Variants in TTC29 observed in about 807,000 individuals in gnomAD.
The protein encoded by TTC29 is tetratricopeptide repeat domain 29.
TTC29 carries 49 observed loss-of-function variants against 58.1 expected under a neutral mutation model. The observed-to-expected ratio is 0.84, with a 90% CI of 0.67 to 1.07. The LOEUF is 1.07. Ranked by LOEUF, TTC29 falls within the 50% of genes least tolerant of loss-of-function variation. The probability of loss-of-function intolerance (pLI) is 0.00; values close to 1 mark genes in which losing one functional copy is unlikely to be tolerated. For missense variants in TTC29, 582 were observed against 555.6 expected (o/e 1.05, Z -0.48); for synonymous variants, 209 against 196.8 (o/e 1.06, Z -0.52).
chr4:146,912,945 G>A (rs907426222), intron 4 of TTC29, among the ~76,000 whole-genome samples: 1 of 152,152 alleles, frequency 6.6e-6, no homozygotes, highest in African/African-American at 2.4e-5. Flanking sequence ...TTTGGGATTG[G>A]GTAATGGGTA....
intron 8 of TTC29, among the ~76,000 whole-genome samples, chr4:146,852,610 GAAC>G (rs1729583508): frequency 6.6e-6 from 1 of 152,178 alleles, no homozygotes; most frequent in Admixed American, 6.5e-5. Context: ...TCCAATGAGG[GAAC>G]AACAGCTTCC....
chr4:146,925,257 T>C (rs1481965089), intron 4 of TTC29, among the ~76,000 whole-genome samples: 1 of 152,094 alleles, frequency 6.6e-6, no homozygotes, highest in Non-Finnish European at 1.5e-5. Context: ...TCTATATTCC[T>C]ACTGGTTTTT....
intron 11 of TTC29, among the ~76,000 whole-genome samples, chr4:146,723,739 G>C (rs901651619): frequency 6.6e-6 from 1 of 152,198 alleles, no homozygotes; most frequent in Non-Finnish European, 1.5e-5. Flanking sequence ...AGATGCTTGT[G>C]AGCCTGTGGA....
chr4:146,803,419 ATAT>A, intron 11 of TTC29, 35 bp downstream of exon 11: 3 of 1,329,858 alleles, frequency 2.3e-6, no homozygotes, highest in Non-Finnish European at 3.1e-6. Flanking sequence ...ATTGAGAATG[ATAT>A]GAAAACTAAA....
chr4:146,894,007 A>G (rs145176952), intron 6 of TTC29, among the ~76,000 whole-genome samples: 69,889 of 151,774 alleles, frequency 0.46, 16,707 homozygotes, highest in African/African-American at 0.57. Context: ...CTAGAATGGC[A>G]ATCATTAAAA....
chr4:146,810,959 G>A (rs1445817549), intron 10 of TTC29, among the ~76,000 whole-genome samples: 8 of 151,974 alleles, frequency 5.3e-5, no homozygotes, highest in African/African-American at 1.9e-4. Context: ...CCTCTAATTC[G>A]TTTACTGCTC....
chr4:146,740,437 T>TTTA, intron 11 of TTC29, among the ~76,000 whole-genome samples: 1 of 152,060 alleles, frequency 6.6e-6, no homozygotes, highest in Non-Finnish European at 1.5e-5. Context: ...TTAAAATTTA[T>TTTA]TTATTATTAT....
At chr4:146,787,709 A>C (rs1426128127) in intron 11 of TTC29, among the ~76,000 whole-genome samples, 1 of 152,202 alleles carries the variant, frequency 6.6e-6, no homozygotes, top group Non-Finnish European at 1.5e-5. Flanking sequence ...GCACTGAGGC[A>C]GCCAGTGGGA....
intron 11 of TTC29, among the ~76,000 whole-genome samples, chr4:146,751,546 C>G (rs749426333): frequency 6.6e-6 from 1 of 152,126 alleles, no homozygotes; most frequent in Admixed American, 6.5e-5. Context: ...CACAAGGTAT[C>G]TTGGAAAATT....
chr4:146,807,581 A>G (rs1211558262), intron 10 of TTC29, among the ~76,000 whole-genome samples: 1 of 152,214 alleles, frequency 6.6e-6, no homozygotes, highest in African/African-American at 2.4e-5. Flanking sequence ...TCACAGAAAT[A>G]CAAACTACCA....
chr4:146,745,922 C>T (rs1745505211), intron 11 of TTC29, among the ~76,000 whole-genome samples: 1 of 152,226 alleles, frequency 6.6e-6, no homozygotes, highest in South Asian at 2.1e-4. Context: ...GCACTGTTAT[C>T]TCACAATGTA....
intron 7 of TTC29, among the ~76,000 whole-genome samples, chr4:146,869,558 G>A (rs1377553037): frequency 6.6e-6 from 1 of 152,100 alleles, no homozygotes; most frequent in Non-Finnish European, 1.5e-5. Context: ...ATAGAAGAAC[G>A]AGGCTATGAC....
At chr4:146,886,026 A>G (rs976637919) in intron 6 of TTC29, among the ~76,000 whole-genome samples, 2 of 152,040 alleles carry the variant, frequency 1.3e-5, no homozygotes, top group African/African-American at 2.4e-5. Flanking sequence ...TTTCTTACCA[A>G]TTGATGGATA....
chr4:146,920,036 A>C (rs1734480079), intron 4 of TTC29, among the ~76,000 whole-genome samples: 1 of 151,016 alleles, frequency 6.6e-6, no homozygotes, highest in Non-Finnish European at 1.5e-5. Flanking sequence ...CTTCCCATTA[A>C]AAATGTATTG....
intron 11 of TTC29, among the ~76,000 whole-genome samples, chr4:146,778,322 CAG>C (rs1437418678): frequency 6.6e-6 from 1 of 151,810 alleles, no homozygotes; most frequent in Admixed American, 6.6e-5. Flanking sequence ...TTAATATTTT[CAG>C]AGTTATTTAG....
intron 6 of TTC29, among the ~76,000 whole-genome samples, chr4:146,899,923 G>A (rs1338397183): frequency 6.6e-6 from 1 of 152,156 alleles, no homozygotes; most frequent in Non-Finnish European, 1.5e-5. Flanking sequence ...CTGCCCCTGG[G>A]CACAGCTGCC....
rs6835940 is a variant in TTC29 at position 146,931,389 on chromosome 4, C to T, written c.176+6205G>A. ...AGGTTATTTATACTATTAATAAATGCTTAAAAGCCAAAGAAAAATGAGCAA... is the reference window on the plus strand; with the variant it reads ...AGGTTATTTATACTATTAATAAATGTTTAAAAGCCAAAGAAAAATGAGCAA... On this transcript the variant is annotated intron_variant, in intron 4 of 12. Transcript: ENST00000325106. Among the ~76,000 whole-genome samples, 1,300 of 152,160 alleles carry T rather than the reference C, an allele frequency of 8.5e-3. 9 individuals carry two copies. Among genetic ancestry groups the T allele is most frequent in the African/African-American group, 0.02 (846 of 41,516 alleles).
chr4:146,774,298 C>T (rs1747936639), intron 11 of TTC29, among the ~76,000 whole-genome samples: 1 of 152,006 alleles, frequency 6.6e-6, no homozygotes, highest in Non-Finnish European at 1.5e-5. Flanking sequence ...CTTGCTTCTA[C>T]AGTTCCCTTA....
At chr4:146,859,339 T>G (rs1237130894) in intron 8 of TTC29, among the ~76,000 whole-genome samples, 1 of 152,156 alleles carries the variant, frequency 6.6e-6, no homozygotes, top group Non-Finnish European at 1.5e-5. Flanking sequence ...CTCCTTTGCC[T>G]TGGTTTCTTT....
Sources: gnomAD v4.1 joint callset for allele counts (sites outside exome capture counted in the v4.1 genomes callset) on GRCh38, gnomAD v4.1.1 for gene constraint, MANE v1.5 for transcripts, NCBI Gene and HGNC (gene_info 2026-07-23, HGNC 2026-07-21) for gene names.